Variants in BTBD8 observed in about 807,000 individuals in gnomAD.
BTBD8 encodes BTB/POZ domain-containing protein 8.
A neutral mutation model predicts 162.9 loss-of-function variants in BTBD8; 110 were observed. That is an observed-to-expected ratio of 0.68 (90% CI 0.58 to 0.79). The LOEUF (loss-of-function observed/expected upper bound fraction) is 0.79, where lower values mean the gene tolerates loss of function less well. BTBD8 is among the 30% of genes least tolerant of loss of function. BTBD8 has a pLI of 0.00. For synonymous variants in BTBD8, 667 were observed against 716.1 expected (o/e 0.93, Z 1.10); for missense variants, 1,905 against 2,085.4 (o/e 0.91, Z 1.68).
chr1:92,093,522 T>C (rs1403776066), intron 2 of BTBD8, among the ~76,000 whole-genome samples: 3 of 152,148 alleles, frequency 2.0e-5, no homozygotes, highest in Non-Finnish European at 4.4e-5. Flanking sequence ...TATGCTTTTT[T>C]CTCCTAGTAG....
At chr1:92,157,334 A>G (rs1293698457) in intron 9 of BTBD8, among the ~76,000 whole-genome samples, 1 of 152,146 alleles carries the variant, frequency 6.6e-6, no homozygotes, top group Admixed American at 6.5e-5. Flanking sequence ...ACCGAACATG[A>G]TAGATTCTGG....
chr1:92,110,090 C>T (rs1648849224), intron 4 of BTBD8, among the ~76,000 whole-genome samples: 1 of 152,180 alleles, frequency 6.6e-6, no homozygotes. Flanking sequence ...TAACACAGGT[C>T]TTCCAAGGTA....
chr1:92,127,550 GTTTTTGTTTGTT>G (rs1321602702), intron 4 of BTBD8, among the ~76,000 whole-genome samples: 1 of 98,906 alleles, frequency 1.0e-5, no homozygotes, highest in African/African-American at 4.5e-5. Flanking sequence ...GATTTTGGAA[GTTTTTGTTTGTT>G]TGTTTGTTTG....
intron 3 of BTBD8, 54 bp from the exon 4 acceptor site, chr1:92,107,830 T>C (rs1332650602): frequency 1.7e-5 from 24 of 1,421,070 alleles, no homozygotes; most frequent in Non-Finnish European, 2.2e-5. Context: ...GAAAACAATT[T>C]TTGGACGTTT....
chr1:92,168,866 G>T lies in BTBD8; in HGVS notation c.1444G>T (p.Gly482Cys), dbSNP rs1483490617. Residue 482 changes from glycine (G) to cysteine (C), a missense_variant and splice_region_variant, in exon 12 of 18, where the codon GGT becomes TGT. Gly to Cys is a radical substitution (Grantham distance 159). Around this residue, in one of 3 missense-constraint regions of BTBD8, gnomAD observed 1,374 missense variants for 1,442.7 expected, o/e 0.95. Transcript: ENST00000636805. ...CTGCTGATTTGTTGCTTGAACACAG[G>T]GTTTTACGTGCAAGATCCAGGCTCT... is the stretch of plus-strand genomic sequence containing the variant. ...LLNSDSTKEM[G>C]FTCKIQALRD... The T allele has an allele frequency of 2.0e-6, 3 of 1,512,864 alleles. No homozygotes were observed. The highest frequency in any genetic ancestry group is 2.7e-6 in the Non-Finnish European group (3 of 1,117,536). The allele number at this position is 1,512,864 out of a possible 1,614,324, so 93.7% of individuals were successfully genotyped here. A position where few individuals can be genotyped will look rare whatever the true frequency, so the allele number is the denominator to read the frequency against.
In BTBD8 at chr1:92,102,634, A is replaced by T. The variant is rs1223562373; in HGVS notation, c.509A>T (p.Asp170Val). Residue 170 changes from aspartate to valine, a missense_variant, in exon 3 of 18, where the codon GAT becomes GTT. Transcript: ENST00000636805. ...CSLQKHEIPE[D>V]ISDRDDDFIS... is the part of the protein sequence containing the mutation. ...CTTCAGAAGCATGAAATTCCAGAGG[A>T]TATCAGTGACAGAGATGATGATTTC... The T allele has an allele frequency of 1.3e-6, 2 of 1,521,408 alleles. No homozygotes were observed. The highest frequency in any genetic ancestry group is 1.8e-6 in the Non-Finnish European group (2 of 1,134,738). The allele number at this position is 1,521,408 out of a possible 1,614,324, so 94.2% of individuals were successfully genotyped here.
At chr1:92,091,004 G>A (rs1648280702) in intron 2 of BTBD8, among the ~76,000 whole-genome samples, 1 of 152,208 alleles carries the variant, frequency 6.6e-6, no homozygotes, top group African/African-American at 2.4e-5. Context: ...CTGGTGTGAT[G>A]GCTAAGAAAC....
intron 3 of BTBD8, among the ~76,000 whole-genome samples, chr1:92,103,268 G>C (rs373346210): frequency 3.3e-5 from 5 of 152,164 alleles, no homozygotes; most frequent in Non-Finnish European, 7.4e-5. Flanking sequence ...CTTATTACTG[G>C]TGTGTAAACC....
Position 92,182,543 on chromosome 1 carries a change from G to A in BTBD8, c.4860G>A (p.Val1620=), listed in dbSNP as rs1002760668. The A allele has an allele frequency of 1.7e-5, 26 of 1,533,002 alleles. No homozygotes were observed. The highest frequency in any genetic ancestry group is 2.5e-5 in the East Asian group (1 of 40,792). The allele number at this position is 1,533,002 out of a possible 1,614,324, so 95.0% of individuals were successfully genotyped here. A position where few individuals can be genotyped will look rare whatever the true frequency, so the allele number is the denominator to read the frequency against. Residue 1620 remains valine, a synonymous_variant, in exon 17 of 18, where the codon GTG becomes GTA. Coordinates refer to ENST00000636805, the MANE Select transcript of BTBD8 (RefSeq NM_001376131.1). ...RSQVLPQEGP[V]KESHSTTTEK... is the part of the protein sequence containing the mutation. ...AAGTTCTGCCTCAGGAAGGTCCAGT[G>A]AAAGAGAGCCATTCTACAACTACTG...
At chr1:92,154,382 C>T (rs184425575) in intron 9 of BTBD8, among the ~76,000 whole-genome samples, 308 of 152,264 alleles carry the variant, frequency 2.0e-3, no homozygotes, top group Non-Finnish European at 3.4e-3. Context: ...AGCAGCTGCA[C>T]CATTTTGCAT....
intron 9 of BTBD8, among the ~76,000 whole-genome samples, chr1:92,165,488 T>G (rs1650364617): frequency 1.3e-5 from 2 of 151,316 alleles, no homozygotes; most frequent in Non-Finnish European, 2.9e-5. Flanking sequence ...TCAGGGAAGA[T>G]GTAGTGCTTC....
chr1:92,140,156 T>C lies in BTBD8; in HGVS notation c.833+726T>C, dbSNP rs1649740053. On this transcript the variant is annotated intron_variant, in intron 6 of 17. Transcript: ENST00000636805. ...TAGGGCATTTGCCAGGCGTGATGGC[T>C]CACACCTGTAATCCCAGCACTTAGG... is the stretch of plus-strand genomic sequence containing the variant. 3.3e-5 allele frequency among the ~76,000 whole-genome samples: 5 copies of C among 150,094 alleles called. No individual in the cohort carries two copies. The South Asian group carries it at 1.1e-3, about 32-fold the overall frequency.
intron 5 of BTBD8, among the ~76,000 whole-genome samples, chr1:92,134,550 G>A (rs139795773): frequency 1.2e-4 from 19 of 152,168 alleles, no homozygotes; most frequent in African/African-American, 4.6e-4. Context: ...CTCAGATCAA[G>A]CATCACCTTC....
At position 92,183,755 on chromosome 1, in the gene BTBD8, G is replaced by GTTTT. The variant is rs59910368; in HGVS notation, c.4913-97_4913-94dup. 706 of 430,792 alleles carry GTTTT rather than the reference G, an allele frequency of 1.6e-3. 10 individuals are homozygous for GTTTT. Among genetic ancestry groups the GTTTT allele is most frequent in the African/African-American group, 8.9e-3 (397 of 44,426 alleles). 26.7% of individuals were successfully genotyped at this position (430,792 alleles called of 1,614,324 possible). A position where few individuals can be genotyped will look rare whatever the true frequency, so the allele number is the denominator to read the frequency against. On this transcript the variant is annotated intron_variant, in intron 17 of 17. Transcript: ENST00000636805. The stretch of plus-strand genomic sequence containing the variant: ...ATAGAAGTTATTTTTCCCATTCTGT[G>GTTTT]TTTTTTTTTTTTTTTGACTATCACT...
chr1:92,129,849 G>T (rs557357280), intron 5 of BTBD8, 73 bp downstream of exon 5: 243 of 1,249,176 alleles, frequency 1.9e-4, no homozygotes, highest in Non-Finnish European at 2.7e-4. Context: ...CACTTTTTAT[G>T]AATCTGATTT....
chr1:92,173,256 T>C (rs762951317), intron 13 of BTBD8, among the ~76,000 whole-genome samples: 1 of 152,188 alleles, frequency 6.6e-6, no homozygotes, highest in Non-Finnish European at 1.5e-5. Flanking sequence ...CGACGATGCA[T>C]ATTATACCTT....
rs935047389 is a variant in BTBD8, at chr1:92,168,968, A to G, written c.1546A>G (p.Thr516Ala). The change falls in exon 12 of 18, where the codon ACA (threonine) becomes GCA (alanine). Residue 516 changes from threonine to alanine, a missense_variant. This residue lies in a region of BTBD8 where 1,374 missense variants were observed against 1,442.7 expected (regional missense o/e 0.95). Transcript: ENST00000636805. ...CACAGAAAGCTGGAAGCTGATGAGC[A>G]CAGATGATCAACAGAAAATCCAAGC... ...RHTESWKLMS[T>A]DDQQKIQAAA... The G allele has an allele frequency of 4.6e-6, 7 of 1,536,866 alleles. No individual in the cohort carries two copies. Among genetic ancestry groups the G allele is most frequent in the Non-Finnish European group, 6.2e-6 (7 of 1,135,970 alleles).
chr1:92,127,860 C>T (rs191393071), intron 4 of BTBD8, among the ~76,000 whole-genome samples: 7 of 152,214 alleles, frequency 4.6e-5, no homozygotes, highest in South Asian at 2.1e-4. Flanking sequence ...CGTGCCCGAC[C>T]GAAGCTTTTT....
At chr1:92,121,492 A>C (rs1344015460) in intron 4 of BTBD8, among the ~76,000 whole-genome samples, 1 of 152,168 alleles carries the variant, frequency 6.6e-6, no homozygotes, top group Non-Finnish European at 1.5e-5. Flanking sequence ...TATTTATTAG[A>C]ATTCACTAGG....
Sources: allele counts gnomAD v4.1 joint callset (sites outside exome capture counted in the v4.1 genomes callset), GRCh38; gene constraint gnomAD v4.1.1; regional missense constraint gnomAD v4.1.1; transcripts MANE v1.5; gene names NCBI Gene and HGNC (gene_info 2026-07-23, HGNC 2026-07-21).